The following RBFOX1 variants were observed in gnomAD, a reference collection of about 807,000 sequenced individuals.
RBFOX1 encodes RNA binding fox-1 homolog 1.
A neutral mutation model predicts 57.7 loss-of-function variants in RBFOX1; 8 were observed. The observed-to-expected ratio is 0.14, with a 90% CI of 0.08 to 0.25. RBFOX1 has a LOEUF of 0.25. Among genes scored for constraint, RBFOX1 ranks in the 10% least tolerant of loss-of-function variants. The pLI is 1.00. For missense variants in RBFOX1, 611 were observed against 548.5 expected (o/e 1.11, Z -1.14); for synonymous variants, 326 against 222.4 (o/e 1.47, Z -4.15).
intron 1 of RBFOX1, among the ~76,000 whole-genome samples, chr16:6,149,390 T>G (rs1187444174): frequency 6.6e-6 from 1 of 152,232 alleles, no homozygotes; most frequent in Admixed American, 6.5e-5. Flanking sequence ...GCTAGGAGGA[T>G]TCATTGCAGA....
chr16:7,100,200 G>T (rs565564857), intron 4 of RBFOX1, among the ~76,000 whole-genome samples: 1 of 152,058 alleles, frequency 6.6e-6, no homozygotes, highest in East Asian at 1.9e-4. Context: ...CGAAATTTGT[G>T]TGTTAAAGGA....
chr16:6,178,593 A>G (rs766632685), intron 1 of RBFOX1, among the ~76,000 whole-genome samples: 2 of 152,206 alleles, frequency 1.3e-5, no homozygotes, highest in Non-Finnish European at 2.9e-5. Flanking sequence ...TTAAAGCCAT[A>G]TAAAAGAAGG....
intron 4 of RBFOX1, among the ~76,000 whole-genome samples, chr16:5,869,534 T>C (rs2057418289): frequency 6.6e-6 from 1 of 152,124 alleles, no homozygotes; most frequent in African/African-American, 2.4e-5. Context: ...CCCAAGTAGC[T>C]GGGAGTACAG....
intron 3 of RBFOX1, among the ~76,000 whole-genome samples, chr16:5,829,945 C>G (rs551652129): frequency 1.3e-5 from 2 of 152,176 alleles, no homozygotes; most frequent in Non-Finnish European, 2.9e-5. Flanking sequence ...TTCTGAAAGA[C>G]CCTTAGGAGC....
At chr16:6,939,631 C>A (rs150247107) in intron 3 of RBFOX1, among the ~76,000 whole-genome samples, 29 of 151,926 alleles carry the variant, frequency 1.9e-4, no homozygotes, top group African/African-American at 6.5e-4. Flanking sequence ...CATGCCTCAA[C>A]CACCTGAGTA....
chr16:7,391,000 C>G (rs2098002708), intron 4 of RBFOX1, among the ~76,000 whole-genome samples: 2 of 152,084 alleles, frequency 1.3e-5, no homozygotes, highest in African/African-American at 4.8e-5. Flanking sequence ...GTGGGGTCTT[C>G]CTTGCTGACC....
intron 2 of RBFOX1, among the ~76,000 whole-genome samples, chr16:5,494,712 G>T (rs547789027): frequency 6.6e-6 from 1 of 152,192 alleles, no homozygotes; most frequent in Non-Finnish European, 1.5e-5. Context: ...ACTAGAAACA[G>T]ATTAGGGTGA....
intron 4 of RBFOX1, among the ~76,000 whole-genome samples, chr16:7,433,717 T>C (rs894338298): frequency 9.2e-5 from 14 of 152,212 alleles, no homozygotes; most frequent in Non-Finnish European, 2.1e-4. Flanking sequence ...CATCCATCTG[T>C]TCATCCACCC....
intron 5 of RBFOX1, among the ~76,000 whole-genome samples, chr16:7,566,074 G>C (rs2091617610): frequency 6.6e-6 from 1 of 152,160 alleles, no homozygotes; most frequent in Non-Finnish European, 1.5e-5. Flanking sequence ...TTATCCACGG[G>C]ACGCTCATAT....
At chr16:6,777,604 A>G (rs1226841833) in intron 3 of RBFOX1, among the ~76,000 whole-genome samples, 1 of 152,184 alleles carries the variant, frequency 6.6e-6, no homozygotes, top group Non-Finnish European at 1.5e-5. Flanking sequence ...AGAGAACAGA[A>G]TGATGGAAAT....
intron 2 of RBFOX1, among the ~76,000 whole-genome samples, chr16:6,354,491 G>A (rs1220905855): frequency 2.0e-5 from 3 of 152,090 alleles, no homozygotes; most frequent in Non-Finnish European, 2.9e-5. Context: ...TGATGTCCCT[G>A]ACTGATAGCT....
chr16:6,126,094 A>C (rs989262653), intron 1 of RBFOX1, among the ~76,000 whole-genome samples: 2 of 152,198 alleles, frequency 1.3e-5, no homozygotes, highest in South Asian at 4.1e-4. Context: ...CAGATTTCCA[A>C]TATGGTGTTT....
At chr16:6,020,106 C>T (rs2095038456) in intron 1 of RBFOX1, 114 bp downstream of exon 1, 12 of 1,203,750 alleles carry the variant, frequency 1.0e-5, no homozygotes, top group Non-Finnish European at 1.3e-5. Flanking sequence ...CTCCTAGCGC[C>T]AGTCTGGGCG....
intron 2 of RBFOX1, among the ~76,000 whole-genome samples, chr16:6,589,540 CA>C (rs1216766076): frequency 6.6e-6 from 1 of 152,204 alleles, no homozygotes; most frequent in Non-Finnish European, 1.5e-5. Flanking sequence ...GCAGAGTCTG[CA>C]AAATATCTCG....
intron 3 of RBFOX1, among the ~76,000 whole-genome samples, chr16:5,818,783 C>T (rs2055740253): frequency 6.6e-6 from 1 of 152,178 alleles, no homozygotes. Flanking sequence ...CTCCCCTGAG[C>T]ATTGGATCCC....
intron 1 of RBFOX1, among the ~76,000 whole-genome samples, chr16:6,106,719 G>T (rs1265472298): frequency 6.6e-6 from 1 of 152,012 alleles, no homozygotes; most frequent in Non-Finnish European, 1.5e-5. Context: ...CCAGGGTGGA[G>T]TGCAGTGGCC....
chr16:6,126,863 C>A (rs554914158), intron 1 of RBFOX1, among the ~76,000 whole-genome samples: 1 of 152,170 alleles, frequency 6.6e-6, no homozygotes, highest in Non-Finnish European at 1.5e-5. Flanking sequence ...GAGGCTTACA[C>A]TCTCCTGAGA....
intron 2 of RBFOX1, among the ~76,000 whole-genome samples, chr16:5,489,604 C>T (rs956735017): frequency 3.9e-5 from 6 of 152,134 alleles, no homozygotes; most frequent in African/African-American, 1.4e-4. Context: ...GGAGTAAGTC[C>T]TTACATATTA....
intron 2 of RBFOX1, among the ~76,000 whole-genome samples, chr16:6,532,936 C>G (rs1418705100): frequency 1.3e-5 from 2 of 152,162 alleles, no homozygotes; most frequent in Admixed American, 1.3e-4. Context: ...CACTTTCTAC[C>G]TGTACAAAGG....
Sources: allele counts gnomAD v4.1 joint callset (sites outside exome capture counted in the v4.1 genomes callset), GRCh38; gene constraint gnomAD v4.1.1; transcripts MANE v1.5; gene names NCBI Gene and HGNC (gene_info 2026-07-23, HGNC 2026-07-21).